GLP2R: variants seen among roughly 807,000 people sequenced by gnomAD.
GLP2R encodes the protein glucagon-like peptide 2 receptor.
In GLP2R, 59 loss-of-function variants were observed where a neutral mutation model predicts 68.2. The observed-to-expected ratio is 0.87, with a 90% CI of 0.70 to 1.07. The LOEUF is 1.07. Ranked by LOEUF, GLP2R falls within the 50% of genes least tolerant of loss-of-function variation. The pLI, the probability that GLP2R is intolerant of heterozygous loss-of-function variation, is 0.00. For missense variants in GLP2R, 548 were observed against 677.4 expected (o/e 0.81, Z 2.12); for synonymous variants, 270 against 265.4 (o/e 1.02, Z -0.17).
chr17:9,839,206 G>T (rs1333388622), intron 3 of GLP2R, among the ~76,000 whole-genome samples: 1 of 152,188 alleles, frequency 6.6e-6, no homozygotes, highest in African/African-American at 2.4e-5. Context: ...AAGGAGGAGA[G>T]TGGGGAAACT....
intron 12 of GLP2R, among the ~76,000 whole-genome samples, chr17:9,889,017 T>C (rs995192915): frequency 6.6e-6 from 1 of 152,170 alleles, no homozygotes; most frequent in Admixed American, 6.5e-5. Flanking sequence ...CTATGTAAGC[T>C]TCTTGACAGC....
intron 1 of GLP2R, among the ~76,000 whole-genome samples, chr17:9,828,677 C>T (rs142294265): frequency 2.0e-5 from 3 of 152,244 alleles, no homozygotes; most frequent in Admixed American, 6.5e-5. Context: ...TGTGCCTACC[C>T]GGGGTGTTTG....
chr17:9,836,320 C>T, intron 2 of GLP2R, 51 bp from the exon 3 acceptor site: 1 of 1,221,300 alleles, frequency 8.2e-7, no homozygotes, highest in South Asian at 1.2e-5. Flanking sequence ...CCATCAGTGG[C>T]ATCCCTGTGC....
intron 4 of GLP2R, among the ~76,000 whole-genome samples, chr17:9,846,698 T>C (rs544325900): frequency 6.6e-6 from 1 of 152,352 alleles, no homozygotes; most frequent in South Asian, 2.1e-4. Flanking sequence ...ATAAAGTTTC[T>C]TTAACTTTGG....
At chr17:9,839,276 C>T (rs1210959879) in intron 3 of GLP2R, among the ~76,000 whole-genome samples, 1 of 151,956 alleles carries the variant, frequency 6.6e-6, no homozygotes, top group African/African-American at 2.4e-5. Flanking sequence ...GGCAAGAGGG[C>T]AGAGAGAAGG....
At chr17:9,854,649 T>C (rs1213787828) in intron 5 of GLP2R, 48 bp downstream of exon 5, 1 of 1,020,266 alleles carries the variant, frequency 9.8e-7, no homozygotes, top group Admixed American at 1.7e-5. Context: ...ATAGTAGCCC[T>C]CCTTCATCTA....
chr17:9,876,663 G>A (rs2067144818), intron 10 of GLP2R, among the ~76,000 whole-genome samples: 1 of 152,192 alleles, frequency 6.6e-6, no homozygotes, highest in African/African-American at 2.4e-5. Flanking sequence ...AAGGGCGGGA[G>A]GTTAGAGAGA....
chr17:9,840,005 A>G lies in GLP2R; in HGVS notation c.383-2490A>G, dbSNP rs530691492. 1.7e-3 allele frequency among the ~76,000 whole-genome samples: 247 copies of G among 142,748 alleles called. 2 individuals carry two copies. The highest frequency in any genetic ancestry group is 6.2e-3 in the African/African-American group (237 of 38,414). 93.6% of individuals were successfully genotyped at this position (142,748 alleles called of 152,430 possible). On this transcript the variant is annotated intron_variant, in intron 3 of 12. Coordinates refer to ENST00000262441, the MANE Select transcript of GLP2R (RefSeq NM_004246.3). The stretch of plus-strand genomic sequence containing the variant: ...CCTCTTTTTTTTTTTTTTTGGAGAC[A>G]GAGTCTTGCTCTGTTGCCCAGGCTG...
intron 5 of GLP2R, 99 bp from the exon 6 acceptor site, chr17:9,857,324 T>C: frequency 2.9e-6 from 3 of 1,040,096 alleles, no homozygotes; most frequent in African/African-American, 1.6e-5. Context: ...ACTATGACCC[T>C]CTGTCTTTAG....
At chr17:9,887,232 G>GA (rs111406903) in intron 11 of GLP2R, among the ~76,000 whole-genome samples, 76 of 138,912 alleles carry the variant, frequency 5.5e-4, no homozygotes, top group East Asian at 2.3e-3. Flanking sequence ...GTCAGGCAAA[G>GA]AAAAAAAAAA....
At chr17:9,879,075 T>C (rs976175580) in intron 10 of GLP2R, among the ~76,000 whole-genome samples, 2 of 151,910 alleles carry the variant, frequency 1.3e-5, no homozygotes, top group African/African-American at 4.8e-5. Flanking sequence ...AGGGCAGTTA[T>C]TTCCAAACCT....
At chr17:9,846,318 T>C (rs2066838253) in intron 4 of GLP2R, among the ~76,000 whole-genome samples, 1 of 152,072 alleles carries the variant, frequency 6.6e-6, no homozygotes, top group African/African-American at 2.4e-5. Context: ...CCACATAAAG[T>C]TTAATGTTTG....
At chr17:9,887,259 G>T (rs779820480) in intron 11 of GLP2R, among the ~76,000 whole-genome samples, 1 of 152,044 alleles carries the variant, frequency 6.6e-6, no homozygotes, top group African/African-American at 2.4e-5. Flanking sequence ...CAGGCACAGT[G>T]GCTCATGCCT....
chr17:9,837,960 C>CAGAG (rs149668360), intron 3 of GLP2R, among the ~76,000 whole-genome samples: 3 of 150,924 alleles, frequency 2.0e-5, no homozygotes, highest in Admixed American at 2.0e-4. Context: ...GCCTCTAGAG[C>CAGAG]AGAGAGAGAG....
intron 5 of GLP2R, 46 bp from the exon 6 acceptor site, chr17:9,857,377 A>G: frequency 6.3e-7 from 1 of 1,593,504 alleles, no homozygotes; most frequent in Admixed American, 1.7e-5. Flanking sequence ...TGTTGGTTGG[A>G]GCCATTCTTT....
At chr17:9,841,254 C>T (rs1191880098) in intron 3 of GLP2R, among the ~76,000 whole-genome samples, 1 of 151,480 alleles carries the variant, frequency 6.6e-6, no homozygotes, top group Non-Finnish European at 1.5e-5. Flanking sequence ...TCTCGAACTC[C>T]TGACCTCAGG....
At position 9,874,626 on chromosome 17, in the gene GLP2R, G is replaced by T. The variant is rs530565319; in HGVS notation, c.1145+3791G>T. 4.4e-4 allele frequency among the ~76,000 whole-genome samples: 67 copies of T among 152,228 alleles called. 2 individuals are homozygous for T. The South Asian group carries it at 0.013, about 30-fold the overall frequency. ...AGGGAACCCATCTATATTCTTGAGT[G>T]GCTGAGACTTTGGGAGGCTGACTGA... On this transcript the variant is annotated intron_variant, in intron 10 of 12. Transcript: ENST00000262441.
In GLP2R at chr17:9,889,768, G is replaced by C; in HGVS notation, c.*63G>C. 6 of 1,034,658 alleles carry C rather than the reference G, an allele frequency of 5.8e-6. No homozygotes were observed. The highest frequency in any genetic ancestry group is 8.4e-6 in the Non-Finnish European group (6 of 715,546). 64.1% of individuals were successfully genotyped at this position (1,034,658 alleles called of 1,614,324 possible). A position where few individuals can be genotyped will look rare whatever the true frequency, so the allele number is the denominator to read the frequency against. On this transcript the variant is annotated 3_prime_UTR_variant, in exon 13 of 13. Transcript: ENST00000262441. ...TCTTGAGGGGGCCCAGGAAGAGGAA[G>C]CAAAGCAGGACACACGTTGCTGGGC...
intron 9 of GLP2R, among the ~76,000 whole-genome samples, chr17:9,867,429 T>C (rs918812486): frequency 6.6e-6 from 1 of 152,262 alleles, no homozygotes; most frequent in African/African-American, 2.4e-5. Context: ...GAAATGACCA[T>C]AATGTGGCAA....
Sources: allele counts gnomAD v4.1 joint callset (sites outside exome capture counted in the v4.1 genomes callset), GRCh38; gene constraint gnomAD v4.1.1; transcripts MANE v1.5; gene names NCBI Gene and HGNC (gene_info 2026-07-23, HGNC 2026-07-21).